USP7: variants seen among roughly 807,000 people sequenced by gnomAD.
The protein encoded by USP7 is ubiquitin C-terminal hydrolase 7.
USP7 carries 9 observed loss-of-function variants against 162.9 expected under a neutral mutation model. That is an observed-to-expected ratio of 0.06 (90% CI 0.03 to 0.10). USP7 has a LOEUF of 0.10. Ranked by LOEUF, USP7 falls within the 10% of genes least tolerant of loss-of-function variation. The pLI is 1.00. For missense variants in USP7, 715 were observed against 1,373.7 expected (o/e 0.52, Z 7.58); for synonymous variants, 562 against 475.9 (o/e 1.18, Z -2.35).
intron 1 of USP7, among the ~76,000 whole-genome samples, chr16:8,955,254 A>G (rs898695141): frequency 6.6e-6 from 1 of 152,168 alleles, no homozygotes; most frequent in Non-Finnish European, 1.5e-5. Context: ...TCATTTCTAC[A>G]TGATGGACAG....
intron 1 of USP7, among the ~76,000 whole-genome samples, chr16:8,948,419 A>T (rs948515613): frequency 1.3e-5 from 2 of 152,180 alleles, no homozygotes; most frequent in African/African-American, 4.8e-5. Flanking sequence ...CCCTGGGCTC[A>T]AGCTATCCAC....
chr16:8,937,192 C>A (rs983345574), intron 1 of USP7, among the ~76,000 whole-genome samples: 1 of 139,414 alleles, frequency 7.2e-6, no homozygotes, highest in South Asian at 2.5e-4. Flanking sequence ...CTGGGCAACA[C>A]AGTGAGACTC....
chr16:8,930,388 G>C lies in USP7; in HGVS notation c.89C>G (p.Thr30Arg). The C allele has an allele frequency of 6.2e-7, 1 of 1,607,302 alleles. No homozygotes were observed. Among genetic ancestry groups the C allele is most frequent in the Non-Finnish European group, 8.5e-7 (1 of 1,177,020 alleles). Residue 30 changes from threonine (T) to arginine (R), a missense_variant, in exon 2 of 31, where the codon ACA becomes AGA. By Grantham distance (71) the Thr-to-Arg change is moderately conservative (BLOSUM62 -1). Transcript: ENST00000344836. Reference protein sequence around the residue: ...PEDMEMEAGDTDDPPRITQNP... With the variant: ...PEDMEMEAGDRDDPPRITQNP... ...CTGAGTAATTCTTGGTGGGTCATCTGTATCTCCCGCTTTAAAGAAGAAAAA... is the reference window on the plus strand; with the variant it reads ...CTGAGTAATTCTTGGTGGGTCATCTCTATCTCCCGCTTTAAAGAAGAAAAA...
intron 15 of USP7, 106 bp from the exon 16 acceptor site, chr16:8,903,508 C>A: frequency 7.6e-7 from 1 of 1,323,666 alleles, no homozygotes; most frequent in Non-Finnish European, 1.0e-6. Context: ...TTTTTTGTTC[C>A]AAAGAAACTT....
chr16:8,917,294 C>T (rs940813137), intron 6 of USP7, 138 bp from the exon 7 acceptor site: 80 of 1,022,854 alleles, frequency 7.8e-5, no homozygotes, highest in South Asian at 1.3e-4. Context: ...GGGCTTTTAA[C>T]GATCCCCAAA....
rs770709377 is a variant in USP7, at chr16:8,905,164, GAACAA to G, written c.1573+18_1573+22del. On this transcript the variant is annotated intron_variant, in intron 14 of 30. Transcript: ENST00000344836. Reference sequence around the variant, plus strand: ...TCCAAGTCCACCACAGTAAAGAACAGAACAAAAGTGAACACTACTCACTCAGTTTT... The same window carrying G: ...TCCAAGTCCACCACAGTAAAGAACAGAAGTGAACACTACTCACTCAGTTTT... 6.2e-6 allele frequency: 10 copies of G among 1,610,144 alleles called. No individual in the cohort carries two copies. The highest frequency in any genetic ancestry group is 7.6e-6 in the Non-Finnish European group (9 of 1,176,500).
At chr16:8,922,718 AATAGAAGG>A (rs1567226667) in intron 3 of USP7, among the ~76,000 whole-genome samples, 1 of 152,360 alleles carries the variant, frequency 6.6e-6, no homozygotes, top group East Asian at 1.9e-4. Context: ...AATTCATCTA[AATAGAAGG>A]ACCATCAAGA....
intron 30 of USP7, 106 bp from the exon 31 acceptor site, chr16:8,894,210 A>G (rs1596345595): frequency 9.4e-7 from 1 of 1,066,866 alleles, no homozygotes. Flanking sequence ...CCAAGGGGTA[A>G]GTTCGCAGGG....
At chr16:8,916,252 A>G (rs932944561) in intron 8 of USP7, among the ~76,000 whole-genome samples, 2 of 152,186 alleles carry the variant, frequency 1.3e-5, no homozygotes, top group Non-Finnish European at 2.9e-5. Context: ...ATACCAATTT[A>G]ACAAATTAAA....
chr16:8,928,567 C>T (rs754307510), intron 2 of USP7, among the ~76,000 whole-genome samples: 9 of 152,194 alleles, frequency 5.9e-5, no homozygotes, highest in Non-Finnish European at 1.3e-4. Flanking sequence ...AGCTGGAAAA[C>T]GCTGCCCTCA....
At chr16:8,905,154 G>C in intron 14 of USP7, 33 bp downstream of exon 14, 1 of 1,605,804 alleles carries the variant, frequency 6.2e-7, no homozygotes, top group Non-Finnish European at 8.5e-7. Flanking sequence ...GTCCACCACA[G>C]TAAAGAACAG....
At chr16:8,919,368 A>T (rs1897551974) in intron 5 of USP7, among the ~76,000 whole-genome samples, 1 of 152,104 alleles carries the variant, frequency 6.6e-6, no homozygotes, top group Non-Finnish European at 1.5e-5. Flanking sequence ...GCCTGCTGAC[A>T]GTGGCACTCC....
At chr16:8,897,182 AT>A in intron 25 of USP7, 83 bp from the exon 26 acceptor site, 2 of 1,097,622 alleles carry the variant, frequency 1.8e-6, no homozygotes, top group Non-Finnish European at 2.8e-6. Flanking sequence ...AGAAAGTTGC[AT>A]CATTGTTCTC....
intron 1 of USP7, among the ~76,000 whole-genome samples, chr16:8,958,404 G>C (rs547688166): frequency 1.3e-5 from 2 of 152,346 alleles, no homozygotes; most frequent in South Asian, 4.1e-4. Flanking sequence ...ACTTCCTGTA[G>C]AGAAGGCAGG....
At chr16:8,920,301 T>C (rs1897617001) in intron 5 of USP7, 58 bp downstream of exon 5, 3 of 1,460,706 alleles carry the variant, frequency 2.1e-6, no homozygotes, top group Admixed American at 3.8e-5. Context: ...ACGCTAAAGC[T>C]TCTTTCACTG....
intron 10 of USP7, among the ~76,000 whole-genome samples, chr16:8,911,431 G>T (rs558626572): frequency 9.8e-5 from 15 of 152,356 alleles, no homozygotes; most frequent in African/African-American, 3.4e-4. Context: ...CGAGCCACAT[G>T]CTGAGTGACA....
chr16:8,895,660 G>A lies in USP7; in HGVS notation c.2901C>T (p.Ser967=). The part of the protein sequence containing the change: ...ELLECLSPAT[S]RTFRIEEIPL... ...CAGATACCTCTATTCGAAACGTCCG[G>A]CTCGTTGCAGGAGATAAACATTCTA... The change falls in exon 27 of 31, where the codon AGC becomes AGT. Residue 967 remains serine, a synonymous_variant. Transcript: ENST00000344836. 6.2e-7 allele frequency: 1 copy of A among 1,612,912 alleles called. No individual in the cohort carries two copies. The highest frequency in any genetic ancestry group is 1.1e-5 in the South Asian group (1 of 90,620).
At chr16:8,908,140 G>A (rs537085063) in intron 12 of USP7, among the ~76,000 whole-genome samples, 1 of 152,296 alleles carries the variant, frequency 6.6e-6, no homozygotes, top group South Asian at 2.1e-4. Context: ...GAGGGGAAAT[G>A]GACTCGGCAG....
Position 8,903,388 on chromosome 16 carries a change from G to A in USP7, c.1719C>T (p.Asp573=). 6.2e-7 allele frequency: 1 copy of A among 1,613,768 alleles called. No individual in the cohort carries two copies. ...CATTCCCTTGGTGGCCACAAAACTG[G>A]TCCTCTGCGACTATCTGAAAATATG... ...LYMQVQIVAE[D]QFCGHQGNDM... is the part of the protein sequence containing the mutation. The change falls in exon 16 of 31, where the codon GAC becomes GAT. Residue 573 remains aspartate, a synonymous_variant. Coordinates refer to ENST00000344836, the MANE Select transcript of USP7 (RefSeq NM_003470.3).
Sources: gnomAD v4.1 joint callset for allele counts (sites outside exome capture counted in the v4.1 genomes callset) on GRCh38, gnomAD v4.1.1 for gene constraint, MANE v1.5 for transcripts, NCBI Gene and HGNC (gene_info 2026-07-23, HGNC 2026-07-21) for gene names.